LHFPL3: variants seen among roughly 807,000 people sequenced by gnomAD.
LHFPL3 encodes LHFPL tetraspan subfamily member 3 protein.
A neutral mutation model predicts 19.3 loss-of-function variants in LHFPL3; 5 were observed. That is an observed-to-expected ratio of 0.26 (90% CI 0.14 to 0.54). LHFPL3 has a LOEUF of 0.54. Ranked by LOEUF, LHFPL3 falls within the 20% of genes least tolerant of loss-of-function variation. The pLI, the probability that LHFPL3 is intolerant of heterozygous loss-of-function variation, is 0.94. For missense variants in LHFPL3, 249 were observed against 307.4 expected (o/e 0.81, Z 1.42); for synonymous variants, 133 against 126.2 (o/e 1.05, Z -0.36).
intron 1 of LHFPL3, among the ~76,000 whole-genome samples, chr7:104,553,225 A>G (rs1441292698): frequency 1.3e-5 from 2 of 152,192 alleles, no homozygotes; most frequent in Non-Finnish European, 2.9e-5. Flanking sequence ...AAGAGAAACA[A>G]CATTTCACAT....
At chr7:104,617,719 C>T (rs984782898) in intron 1 of LHFPL3, among the ~76,000 whole-genome samples, 1 of 152,194 alleles carries the variant, frequency 6.6e-6, no homozygotes, top group Non-Finnish European at 1.5e-5. Flanking sequence ...AAGCTCACTA[C>T]TCTGTAGCTT....
intron 2 of LHFPL3, among the ~76,000 whole-genome samples, chr7:104,789,370 C>T (rs568011529): frequency 2.0e-5 from 3 of 152,084 alleles, no homozygotes; most frequent in South Asian, 2.1e-4. Context: ...TGAGTTAGAA[C>T]GACTCTTAAC....
At chr7:104,551,135 A>G (rs903831089) in intron 1 of LHFPL3, among the ~76,000 whole-genome samples, 2 of 149,054 alleles carry the variant, frequency 1.3e-5, no homozygotes, top group African/African-American at 5.1e-5. Context: ...ACACACACAC[A>G]CACACTTCAT....
At chr7:104,679,066 A>G (rs1792645492) in intron 1 of LHFPL3, among the ~76,000 whole-genome samples, 1 of 152,256 alleles carries the variant, frequency 6.6e-6, no homozygotes, top group Non-Finnish European at 1.5e-5. Context: ...CATAATTTCT[A>G]AAGGTGAGGA....
chr7:104,374,345 G>A (rs1481184903), intron 1 of LHFPL3, among the ~76,000 whole-genome samples: 3 of 151,884 alleles, frequency 2.0e-5, no homozygotes, highest in African/African-American at 4.8e-5. Context: ...GGGTTCAAGC[G>A]ATTCTCCTGC....
chr7:104,648,753 A>G (rs901693295), intron 1 of LHFPL3, among the ~76,000 whole-genome samples: 3 of 152,158 alleles, frequency 2.0e-5, no homozygotes, highest in Non-Finnish European at 2.9e-5. Context: ...CTGTGTGGGG[A>G]GTGCTAGTCC....
At position 104,328,773 on chromosome 7, in the gene LHFPL3, G is replaced by GGGGAGA; in HGVS notation, c.-6_-1dup. The GGGGAGA allele has an allele frequency of 1.3e-6, 2 of 1,568,250 alleles. No individual in the cohort carries two copies. The highest frequency in any genetic ancestry group is 2.3e-5 in the South Asian group (2 of 87,738). On this transcript the variant is annotated 5_prime_UTR_variant, in exon 1 of 3. Coordinates refer to ENST00000424859, the MANE Select transcript of LHFPL3 (RefSeq NM_199000.3). The surrounding 1 kb of genome is among the most constrained non-coding windows in gnomAD (Gnocchi z 4.6). Reference sequence around the variant, plus strand: ...GGAGGAGGAGGAGGAGGAGGAGGAGGGGGAGAATGCCCGGAGCCGCCGCCG... The same window carrying GGGGAGA: ...GGAGGAGGAGGAGGAGGAGGAGGAGGGGGAGAGGGAGAATGCCCGGAGCCGCCGCCG...
intron 1 of LHFPL3, among the ~76,000 whole-genome samples, chr7:104,604,053 G>A (rs1166131401): frequency 2.6e-5 from 4 of 152,190 alleles, no homozygotes; most frequent in African/African-American, 9.6e-5. Context: ...TGTTCTGATG[G>A]GGACTCCCTG....
In LHFPL3 at chr7:104,814,599, C is replaced by T. The variant is rs1008706389; in HGVS notation, c.682+77688C>T. On this transcript the variant is annotated intron_variant, in intron 2 of 2. Transcript: ENST00000424859. ...GTGGGGCCTCACTGGGGACCTGCCC[C>T]GTTCCACCCAGGAACCTGTCTGCCT... is the stretch of plus-strand genomic sequence containing the variant. 5.9e-5 allele frequency among the ~76,000 whole-genome samples: 9 copies of T among 152,210 alleles called. No individual in the cohort carries two copies. The South Asian group carries it at 1.9e-3, about 32-fold the overall frequency.
At chr7:104,629,523 C>G (rs1791603558) in intron 1 of LHFPL3, among the ~76,000 whole-genome samples, 1 of 152,152 alleles carries the variant, frequency 6.6e-6, no homozygotes, top group African/African-American at 2.4e-5. Context: ...CTCTTGATGC[C>G]CTTTTCACCC....
At chr7:104,625,838 A>G (rs1334095124) in intron 1 of LHFPL3, among the ~76,000 whole-genome samples, 2 of 152,190 alleles carry the variant, frequency 1.3e-5, no homozygotes, top group Non-Finnish European at 2.9e-5. Flanking sequence ...TCAACCAAAT[A>G]CAATGAAGGA....
intron 1 of LHFPL3, among the ~76,000 whole-genome samples, chr7:104,659,179 T>G (rs1792176399): frequency 1.3e-5 from 2 of 152,224 alleles, no homozygotes. Context: ...GTAAGCAGAC[T>G]GCATCATGCT....
At chr7:104,376,468 A>G (rs1210305999) in intron 1 of LHFPL3, among the ~76,000 whole-genome samples, 1 of 152,226 alleles carries the variant, frequency 6.6e-6, no homozygotes, top group East Asian at 1.9e-4. Context: ...GAGGTGATTC[A>G]TGTCCCCAGT....
intron 2 of LHFPL3, among the ~76,000 whole-genome samples, chr7:104,841,286 A>G (rs1344719112): frequency 2.6e-5 from 4 of 152,172 alleles, no homozygotes; most frequent in Non-Finnish European, 2.9e-5. Context: ...GAGGTTTTTC[A>G]TGAGACATGA....
intron 1 of LHFPL3, among the ~76,000 whole-genome samples, chr7:104,532,481 G>T (rs1157333839): frequency 2.0e-5 from 3 of 151,910 alleles, no homozygotes; most frequent in African/African-American, 7.3e-5. Flanking sequence ...TTTTAATCTT[G>T]GAAAATATTC....
chr7:104,618,488 C>T (rs1015560124), intron 1 of LHFPL3, among the ~76,000 whole-genome samples: 18 of 152,118 alleles, frequency 1.2e-4, no homozygotes, highest in African/African-American at 3.6e-4. Flanking sequence ...GCTCTGGAGT[C>T]CACATTCTTA....
At chr7:104,407,592 GT>G (rs1358887824) in intron 1 of LHFPL3, among the ~76,000 whole-genome samples, 1 of 152,208 alleles carries the variant, frequency 6.6e-6, no homozygotes, top group Non-Finnish European at 1.5e-5. Context: ...GGAGGCAGAG[GT>G]TGCAGTGAGC....
chr7:104,459,835 A>G (rs183745257), intron 1 of LHFPL3, among the ~76,000 whole-genome samples: 1 of 152,322 alleles, frequency 6.6e-6, no homozygotes, highest in Non-Finnish European at 1.5e-5. Context: ...AAAAGAATTC[A>G]TCTTAATTGC....
At chr7:104,602,020 C>CTTTTTTTTTTTTT (rs57501560) in intron 1 of LHFPL3, among the ~76,000 whole-genome samples, 959 of 91,338 alleles carry the variant, frequency 0.01, 11 homozygotes, top group East Asian at 0.014. Flanking sequence ...TTTTTCTTTT[C>CTTTTTTTTTTTTT]TTTTTTTTTT....
Sources: allele counts gnomAD v4.1 joint callset (sites outside exome capture counted in the v4.1 genomes callset), GRCh38; gene constraint gnomAD v4.1.1; non-coding constraint Gnocchi (gnomAD v3.1); transcripts MANE v1.5; gene names NCBI Gene and HGNC (gene_info 2026-07-23, HGNC 2026-07-21).